DOCK7: variants seen among roughly 807,000 people sequenced by gnomAD.
DOCK7 encodes dedicator of cytokinesis protein 7.
In DOCK7, 138 loss-of-function variants were observed where a neutral mutation model predicts 271.0. That is an observed-to-expected ratio of 0.51 (90% confidence interval 0.44 to 0.59). The LOEUF (loss-of-function observed/expected upper bound fraction) is 0.59, where lower values mean the gene tolerates loss of function less well. Among genes scored for constraint, DOCK7 ranks in the 20% least tolerant of loss-of-function variants. The pLI, the probability that DOCK7 is intolerant of heterozygous loss-of-function variation, is 0.00. For synonymous variants in DOCK7, 823 were observed against 876.1 expected (o/e 0.94, Z 1.07); for missense variants, 2,066 against 2,592.4 (o/e 0.80, Z 4.41).
intron 48 of DOCK7, among the ~76,000 whole-genome samples, chr1:62,464,738 G>A (rs1645627445): frequency 6.6e-6 from 1 of 151,926 alleles, no homozygotes; most frequent in Non-Finnish European, 1.5e-5. Context: ...CTATTTAAAT[G>A]CAAGGTGTAT....
At chr1:62,679,967 G>T (rs1660931197) in intron 1 of DOCK7, among the ~76,000 whole-genome samples, 1 of 152,068 alleles carries the variant, frequency 6.6e-6, no homozygotes, top group Admixed American at 6.5e-5. Context: ...ACTGCCCAAG[G>T]TAATTTATAG....
intron 40 of DOCK7, among the ~76,000 whole-genome samples, chr1:62,493,454 T>C (rs542683144): frequency 2.0e-5 from 3 of 152,298 alleles, no homozygotes; most frequent in Admixed American, 2.0e-4. Context: ...ACGGAATCTC[T>C]TTTGGGTAAA....
At chr1:62,627,820 A>C (rs978675143) in intron 11 of DOCK7, 1 of 152,220 alleles carries the variant, frequency 6.6e-6, no homozygotes, top group African/African-American at 2.4e-5. Flanking sequence ...ATTGACTTAG[A>C]GATTCAATGT....
At chr1:62,539,930 A>G (rs1645472491) in intron 25 of DOCK7, 38 bp from the exon 26 acceptor site, 3 of 1,406,354 alleles carry the variant, frequency 2.1e-6, no homozygotes, top group Non-Finnish European at 2.9e-6. Context: ...TCCTATGAAT[A>G]TATTTAACAA....
intron 1 of DOCK7, among the ~76,000 whole-genome samples, chr1:62,665,049 C>T (rs1238441176): frequency 2.0e-5 from 3 of 152,268 alleles, no homozygotes; most frequent in Non-Finnish European, 2.9e-5. Context: ...TGCAGTGGCG[C>T]GATCTCGGCT....
At chr1:62,602,193 C>G (rs777921428) in intron 14 of DOCK7, 2 of 1,033,118 alleles carry the variant, frequency 1.9e-6, no homozygotes, top group African/African-American at 3.2e-5. Flanking sequence ...CCTTACAAAA[C>G]CACCAATTAA....
intron 7 of DOCK7, among the ~76,000 whole-genome samples, chr1:62,638,696 A>C (rs1655602622): frequency 6.7e-6 from 1 of 149,554 alleles, no homozygotes; most frequent in Non-Finnish European, 1.5e-5. Flanking sequence ...TGAAAATAGG[A>C]AACTTGACCA....
intron 31 of DOCK7, 132 bp from the exon 32 acceptor site, chr1:62,514,030 A>G: frequency 1.3e-6 from 1 of 752,854 alleles, no homozygotes; most frequent in Non-Finnish European, 2.1e-6. Flanking sequence ...AAACCATTTG[A>G]TTCAGACAAC....
intron 14 of DOCK7, among the ~76,000 whole-genome samples, chr1:62,617,594 G>T (rs1344525492): frequency 1.3e-5 from 2 of 151,930 alleles, no homozygotes; most frequent in Non-Finnish European, 2.9e-5. Flanking sequence ...ATACACACTA[G>T]ATTTTGAAGT....
chr1:62,539,498 T>G, intron 27 of DOCK7, 47 bp downstream of exon 27: 2 of 1,459,862 alleles, frequency 1.4e-6, no homozygotes, highest in Non-Finnish European at 1.9e-6. Context: ...AGAACTAACA[T>G]AGTATTTAAA....
chr1:62,665,648 C>T (rs1659217251), intron 1 of DOCK7, among the ~76,000 whole-genome samples: 1 of 141,510 alleles, frequency 7.1e-6, no homozygotes, highest in African/African-American at 2.7e-5. Flanking sequence ...TGCGGTGAGC[C>T]GAGATCACGT....
intron 14 of DOCK7, among the ~76,000 whole-genome samples, chr1:62,602,840 A>G (rs1272787161): frequency 6.6e-6 from 1 of 151,646 alleles, no homozygotes; most frequent in Non-Finnish European, 1.5e-5. Context: ...TCAATTATTT[A>G]AATATAATAT....
intron 18 of DOCK7, among the ~76,000 whole-genome samples, chr1:62,564,269 T>A (rs950492375): frequency 8.5e-5 from 13 of 152,156 alleles, no homozygotes; most frequent in Non-Finnish European, 1.9e-4. Flanking sequence ...TATACATTCT[T>A]CTCAGCACCT....
At chr1:62,514,568 C>T (rs759849826) in intron 31 of DOCK7, among the ~76,000 whole-genome samples, 2 of 152,130 alleles carry the variant, frequency 1.3e-5, no homozygotes, top group South Asian at 2.1e-4. Context: ...ATTTTACATA[C>T]ATTATTTGAT....
At chr1:62,505,582 T>C in intron 36 of DOCK7, 100 bp downstream of exon 36, 1 of 1,276,536 alleles carries the variant, frequency 7.8e-7, no homozygotes, top group East Asian at 2.4e-5. Flanking sequence ...TTCATTAATA[T>C]ATTACTACAT....
intron 35 of DOCK7, among the ~76,000 whole-genome samples, chr1:62,506,904 G>A (rs928827067): frequency 6.6e-5 from 10 of 151,082 alleles, no homozygotes; most frequent in Non-Finnish European, 1.3e-4. Flanking sequence ...CTGAGATTGC[G>A]CCACTGCACT....
At position 62,492,683 on chromosome 1, in the gene DOCK7, G is replaced by T. The variant is rs770298912; in HGVS notation, c.5361+21C>A. 1.3e-5 allele frequency: 21 copies of T among 1,613,518 alleles called. No homozygotes were observed. In the East Asian group the frequency reaches 3.3e-4, roughly 26 times the overall value. ...TTAGAGGTATGAAACTGTGGGAAAA[G>T]AATTAACAAGAGTCATCTACCATAG... On this transcript the variant is annotated intron_variant, in intron 41 of 49. Coordinates refer to ENST00000635253, the MANE Select transcript of DOCK7 (RefSeq NM_001367561.1).
intron 7 of DOCK7, among the ~76,000 whole-genome samples, chr1:62,646,489 T>C (rs1172837164): frequency 6.6e-6 from 1 of 152,118 alleles, no homozygotes; most frequent in African/African-American, 2.4e-5. Flanking sequence ...AATGAGGTCC[T>C]AAGAGTGGGG....
At chr1:62,557,437 A>G (rs1341160969) in intron 20 of DOCK7, among the ~76,000 whole-genome samples, 1 of 148,982 alleles carries the variant, frequency 6.7e-6, no homozygotes, top group Non-Finnish European at 1.5e-5. Context: ...AAATGTCTCC[A>G]CTCTTTTGCC....
Sources: allele counts gnomAD v4.1 joint callset (sites outside exome capture counted in the v4.1 genomes callset), GRCh38; gene constraint gnomAD v4.1.1; transcripts MANE v1.5; gene names NCBI Gene and HGNC (gene_info 2026-07-23, HGNC 2026-07-21).